The following DNAAF1 variants were observed in gnomAD, a reference collection of about 807,000 sequenced individuals.
The protein encoded by DNAAF1 is dynein assembly factor 1, axonemal.
In DNAAF1, 65 loss-of-function variants were observed where a neutral mutation model predicts 71.1. The ratio of observed to expected loss-of-function variants is 0.91; its 90% confidence interval spans 0.75 to 1.12. The LOEUF is 1.12. DNAAF1 is among the 50% of genes most tolerant of loss of function. DNAAF1 has a pLI of 0.00. For missense variants in DNAAF1, 1,178 were observed against 899.8 expected, an observed-to-expected ratio of 1.31 and a Z score of -3.96; for synonymous variants, 414 against 354.6, an observed-to-expected ratio of 1.17 and a Z score of -1.88.
At chr16:84,145,620 T>C (rs1012069717) in intron 1 of DNAAF1, 56 bp downstream of exon 1, 1 of 1,531,086 alleles carries the variant, frequency 6.5e-7, no homozygotes, top group South Asian at 1.2e-5. Context: ...GGCTAGGCGC[T>C]CCAGCCCCCT....
At chr16:84,148,596 C>CTCTCTTTTTTTTTGTTTTTTTTTTTT in intron 1 of DNAAF1, among the ~76,000 whole-genome samples, 1 of 43,576 alleles carries the variant, frequency 2.3e-5, no homozygotes. Flanking sequence ...CTCTCTCTCT[C>CTCTCTTTTTTTTTGTTTTTTTTTTTT]TTTTTTTTTT....
chr16:84,172,091 C>G (rs969555418), intron 8 of DNAAF1, among the ~76,000 whole-genome samples, 169 bp from the exon 9 acceptor site: 4 of 152,128 alleles, frequency 2.6e-5, no homozygotes, highest in Admixed American at 6.5e-5. Context: ...GTTGGCCAGG[C>G]TGGACTCAAA....
At chr16:84,151,148 G>C (rs1240006010) in intron 3 of DNAAF1, among the ~76,000 whole-genome samples, 4 of 152,132 alleles carry the variant, frequency 2.6e-5, no homozygotes. Context: ...AGTCTGTGCT[G>C]ATGGGGTGAC....
intron 5 of DNAAF1, among the ~76,000 whole-genome samples, chr16:84,157,597 A>G (rs1212535620): frequency 6.6e-6 from 1 of 151,754 alleles, no homozygotes; most frequent in African/African-American, 2.4e-5. Context: ...CCTCGCTAGT[A>G]GCCTTTGACA....
Position 84,156,303 on chromosome 16 carries a change from T to C in DNAAF1, c.741+554T>C, listed in dbSNP as rs556252660. Among the ~76,000 whole-genome samples, 3 of 152,372 alleles carry C rather than the reference T, an allele frequency of 2.0e-5. No homozygotes were observed. In the South Asian group the frequency reaches 6.2e-4, roughly 32 times the overall value. On this transcript the variant is annotated intron_variant, in intron 5 of 11. Coordinates refer to ENST00000378553, the MANE Select transcript of DNAAF1 (RefSeq NM_178452.6). ...TTTCAAGGAAACCAGGTCCTCTGTC[T>C]GGTGTTACCCACATTCTGGATTTAG...
intron 3 of DNAAF1, among the ~76,000 whole-genome samples, chr16:84,151,039 A>G (rs1823865543): frequency 6.6e-6 from 1 of 152,172 alleles, no homozygotes; most frequent in Non-Finnish European, 1.5e-5. Flanking sequence ...GCCTCTTAGA[A>G]TGGAGAGGCG....
intron 9 of DNAAF1, chr16:84,174,368 C>T (rs2088542575): frequency 3.1e-6 from 4 of 1,293,236 alleles, no homozygotes; most frequent in South Asian, 3.3e-5. Flanking sequence ...ATTATTTCCC[C>T]CAAGATGAAC....
intron 3 of DNAAF1, 64 bp from the exon 4 acceptor site, chr16:84,154,513 G>A: frequency 2.1e-6 from 3 of 1,459,562 alleles, no homozygotes; most frequent in Non-Finnish European, 2.9e-6. Flanking sequence ...CAAAAACAAG[G>A]GTGACCGTGA....
At chr16:84,155,198 A>T (rs189472122) in intron 4 of DNAAF1, among the ~76,000 whole-genome samples, 1 of 151,218 alleles carries the variant, frequency 6.6e-6, no homozygotes, top group South Asian at 2.1e-4. Flanking sequence ...GTGAGCCACC[A>T]TGCCCAGCCA....
intron 2 of DNAAF1, among the ~76,000 whole-genome samples, chr16:84,149,387 T>C (rs2087075927): frequency 1.3e-5 from 2 of 152,102 alleles, no homozygotes; most frequent in African/African-American, 4.8e-5. Context: ...GTATTTTTAT[T>C]AGAACATACA....
chr16:84,160,693 G>T (rs1288870784), intron 6 of DNAAF1, among the ~76,000 whole-genome samples: 1 of 152,108 alleles, frequency 6.6e-6, no homozygotes, highest in African/African-American at 2.4e-5. Context: ...CCAGCACTTT[G>T]GGAGGCCAAG....
rs558466151 is a variant in DNAAF1 at position 84,177,848 on chromosome 16, CCA to C, written c.*8_*9del. On this transcript the variant is annotated 3_prime_UTR_variant, in exon 12 of 12. Coordinates refer to ENST00000378553, the MANE Select transcript of DNAAF1 (RefSeq NM_178452.6). Reference sequence around the variant, plus strand: ...AGCACCGAAAGCATCATAGTTTTCCCCAGTTATATGTAGCATAAATGGTTTAA... The same window carrying C: ...AGCACCGAAAGCATCATAGTTTTCCCGTTATATGTAGCATAAATGGTTTAA... The C allele has an allele frequency of 4.5e-5, 73 of 1,607,774 alleles. 1 individual carries two copies. Among genetic ancestry groups the C allele is most frequent in the South Asian group, 4.1e-4 (37 of 90,964 alleles).
intron 1 of DNAAF1, among the ~76,000 whole-genome samples, chr16:84,148,580 T>C (rs529237037): frequency 6.8e-6 from 1 of 146,530 alleles, no homozygotes; most frequent in African/African-American, 2.6e-5. Flanking sequence ...TAAAGATTAC[T>C]GTTCTCTCTC....
chr16:84,148,933 A>G, intron 1 of DNAAF1, 74 bp from the exon 2 acceptor site: 1 of 1,559,604 alleles, frequency 6.4e-7, no homozygotes, highest in South Asian at 1.1e-5. Context: ...GATGGTCATT[A>G]ACCAAGCTGA....
intron 7 of DNAAF1, among the ~76,000 whole-genome samples, chr16:84,169,562 G>C (rs908139778): frequency 2.6e-5 from 4 of 152,064 alleles, no homozygotes; most frequent in African/African-American, 9.7e-5. Context: ...TGGGGCTACA[G>C]GCACGTGCCA....
rs1444383452 is a variant in DNAAF1, at chr16:84,172,307, C to A, written c.1576C>A (p.Leu526Ile). The A allele has an allele frequency of 6.2e-6, 10 of 1,614,092 alleles. No individual in the cohort carries two copies. Among genetic ancestry groups the A allele is most frequent in the African/African-American group, 1.3e-5 (1 of 74,940 alleles). Residue 526 changes from leucine (L) to isoleucine (I), a missense_variant, in exon 9 of 12, where the codon CTT becomes ATT. Leu to Ile is a conservative substitution (Grantham distance 5). Coordinates refer to ENST00000378553, the MANE Select transcript of DNAAF1 (RefSeq NM_178452.6). ...VATEGVFVTELDGTRTEDLET... is the reference protein window; with the variant it reads ...VATEGVFVTEIDGTRTEDLET... ...CACTGAGGGTGTATTCGTTACAGAACTTGATGGAACGAGAACGGAAGATTT... is the reference window on the plus strand; with the variant it reads ...CACTGAGGGTGTATTCGTTACAGAAATTGATGGAACGAGAACGGAAGATTT...
intron 2 of DNAAF1, among the ~76,000 whole-genome samples, chr16:84,149,663 C>G (rs529750805): frequency 3.2e-4 from 47 of 144,814 alleles, no homozygotes; most frequent in Non-Finnish European, 5.2e-4. Context: ...TGCACTCCAG[C>G]CCGGGCGGCA....
At chr16:84,160,801 G>A (rs896174593) in intron 6 of DNAAF1, among the ~76,000 whole-genome samples, 6 of 150,518 alleles carry the variant, frequency 4.0e-5, no homozygotes, top group African/African-American at 1.5e-4. Flanking sequence ...CGGGCGTGGT[G>A]GTGGGCGCCT....
At chr16:84,150,219 A>G (rs371385658) in intron 2 of DNAAF1, 32 bp from the exon 3 acceptor site, 7 of 1,518,340 alleles carry the variant, frequency 4.6e-6, no homozygotes, top group African/African-American at 2.7e-5. Context: ...ACAATTTGCA[A>G]TAAGCTTATT....
Sources: allele counts gnomAD v4.1 joint callset (sites outside exome capture counted in the v4.1 genomes callset), GRCh38; gene constraint gnomAD v4.1.1; transcripts MANE v1.5; gene names NCBI Gene and HGNC (gene_info 2026-07-23, HGNC 2026-07-21).